DPEP1: variants seen among roughly 807,000 people sequenced by gnomAD.
The protein encoded by DPEP1 is beta-lactamase.
In DPEP1, 50 loss-of-function variants were observed where a neutral mutation model predicts 42.3. The observed-to-expected ratio is 1.18, with a 90% confidence interval of 0.94 to 1.50. DPEP1 has a LOEUF of 1.50. Ranked by LOEUF, DPEP1 falls within the 40% of genes most tolerant of loss-of-function variation. The probability of loss-of-function intolerance (pLI) is 0.00; values close to 1 mark genes in which losing one functional copy is unlikely to be tolerated. For missense variants in DPEP1, 663 were observed against 553.0 expected (o/e 1.20, Z -1.99); for synonymous variants, 297 against 234.0 (o/e 1.27, Z -2.46).
chr16:89,638,047 C>G lies in DPEP1; in HGVS notation c.1066-5C>G. On this transcript the variant is annotated splice_region_variant and splice_polypyrimidine_tract_variant and intron_variant, in intron 10 of 10. Transcript: ENST00000690203. ...GCTGCCCCACCCGTGTCTGTCTGTC[C>G]CCAGGCCAGCAACCTCACACAGGCT... 6.2e-7 allele frequency: 1 copy of G among 1,611,924 alleles called. No homozygotes were observed.
chr16:89,626,140 C>T (rs190970748), intron 1 of DPEP1, among the ~76,000 whole-genome samples: 21 of 152,254 alleles, frequency 1.4e-4, no homozygotes, highest in South Asian at 4.1e-4. Flanking sequence ...ATAAGGGTGC[C>T]GCATTTTCAT....
intron 1 of DPEP1, among the ~76,000 whole-genome samples, chr16:89,628,871 G>T (rs1380517073): frequency 1.3e-5 from 2 of 152,038 alleles, no homozygotes; most frequent in Non-Finnish European, 2.9e-5. Flanking sequence ...CTGTTGCCCA[G>T]GCTGAAGTGC....
At chr16:89,622,515 G>A (rs1475032175) in intron 1 of DPEP1, among the ~76,000 whole-genome samples, 1 of 152,204 alleles carries the variant, frequency 6.6e-6, no homozygotes, top group Non-Finnish European at 1.5e-5. Flanking sequence ...GCCGGGCGCA[G>A]TGGCTCACGC....
At chr16:89,633,887 G>GC (rs1437960182) in intron 2 of DPEP1, among the ~76,000 whole-genome samples, 1 of 152,110 alleles carries the variant, frequency 6.6e-6, no homozygotes, top group African/African-American at 2.4e-5. Flanking sequence ...CAGGGGCACA[G>GC]CCCACATTAC....
intron 1 of DPEP1, among the ~76,000 whole-genome samples, chr16:89,615,457 C>T (rs977671875): frequency 2.6e-5 from 4 of 152,224 alleles, no homozygotes; most frequent in African/African-American, 9.6e-5. Context: ...GGGGCTGGAC[C>T]TGTCTTCTCT....
At chr16:89,634,234 A>G (rs962149713) in intron 2 of DPEP1, among the ~76,000 whole-genome samples, 28 of 151,004 alleles carry the variant, frequency 1.9e-4, no homozygotes, top group East Asian at 5.8e-4. Context: ...GACTACAGGC[A>G]CCCGCCACCA....
chr16:89,637,712 G>A lies in DPEP1; in HGVS notation c.929+5G>A, dbSNP rs781278618. The A allele has an allele frequency of 1.9e-6, 3 of 1,613,098 alleles. No homozygotes were observed. The South Asian group carries it at 3.3e-5, about 18-fold the overall frequency. ...GGACTTTGATGGTGTTCCAAGGTAA[G>A]GGGCTGAGAGCTCTGTCCTGTGGAT... On this transcript the variant is annotated splice_donor_5th_base_variant and intron_variant, in intron 9 of 10. Transcript: ENST00000690203.
intron 1 of DPEP1, among the ~76,000 whole-genome samples, chr16:89,625,870 C>G (rs538174170): frequency 6.6e-6 from 1 of 152,286 alleles, no homozygotes; most frequent in African/African-American, 2.4e-5. Flanking sequence ...TGAACCAGCT[C>G]ACCCACGCTG....
chr16:89,628,945 G>A (rs1046015048), intron 1 of DPEP1, among the ~76,000 whole-genome samples: 2 of 151,984 alleles, frequency 1.3e-5, no homozygotes, highest in African/African-American at 4.8e-5. Flanking sequence ...TCCTGCCTCA[G>A]CCTCCTGAGT....
At chr16:89,621,395 C>T (rs891987797) in intron 1 of DPEP1, among the ~76,000 whole-genome samples, 1 of 151,986 alleles carries the variant, frequency 6.6e-6, no homozygotes. Flanking sequence ...AGTGGGGTGC[C>T]GGCCTTACGG....
At chr16:89,618,642 G>A (rs1407452950) in intron 1 of DPEP1, among the ~76,000 whole-genome samples, 1 of 152,062 alleles carries the variant, frequency 6.6e-6, no homozygotes, top group Non-Finnish European at 1.5e-5. Flanking sequence ...AACTGTGACT[G>A]CAGGCACACA....
intron 1 of DPEP1, among the ~76,000 whole-genome samples, chr16:89,628,035 G>T (rs2059538999): frequency 6.6e-6 from 1 of 151,794 alleles, no homozygotes; most frequent in African/African-American, 2.4e-5. Context: ...CCATTCTCCT[G>T]CCTCAGCCTC....
rs183469840 is a variant in DPEP1, at chr16:89,616,348, C to A, written c.-107+2629C>A. Among the ~76,000 whole-genome samples, 453 of 152,302 alleles carry A rather than the reference C, an allele frequency of 3.0e-3. 2 individuals are homozygous for A. Among genetic ancestry groups the A allele is most frequent in the Non-Finnish European group, 4.5e-3 (308 of 68,028 alleles). ...CTCCGGGGCTGACCGGGCACAGTTTCACAGAGCAGTATGGCCCAGCCAGCT... is the reference window on the plus strand; with the variant it reads ...CTCCGGGGCTGACCGGGCACAGTTTAACAGAGCAGTATGGCCCAGCCAGCT... On this transcript the variant is annotated intron_variant, in intron 1 of 10. Transcript: ENST00000690203.
At chr16:89,615,788 A>G (rs1197011092) in intron 1 of DPEP1, among the ~76,000 whole-genome samples, 1 of 152,192 alleles carries the variant, frequency 6.6e-6, no homozygotes. Flanking sequence ...CAGGCGGTCA[A>G]CACGGGGGCC....
chr16:89,641,534 A>C (rs2059742527), downstream of DPEP1, among the ~76,000 whole-genome samples: 1 of 152,206 alleles, frequency 6.6e-6, no homozygotes, highest in Non-Finnish European at 1.5e-5. Context: ...GTAATGCCAC[A>C]AACTGATGAT....
chr16:89,621,874 G>C (rs2059450834), intron 1 of DPEP1, among the ~76,000 whole-genome samples: 1 of 152,190 alleles, frequency 6.6e-6, no homozygotes, highest in South Asian at 2.1e-4. Context: ...TGTGTGTGGG[G>C]GGCGTGGGTA....
chr16:89,624,512 G>A (rs1256326737), intron 1 of DPEP1, among the ~76,000 whole-genome samples: 5 of 151,174 alleles, frequency 3.3e-5, no homozygotes, highest in East Asian at 3.9e-4. Flanking sequence ...TGAGAGGGGC[G>A]CTGTTACATA....
intron 2 of DPEP1, among the ~76,000 whole-genome samples, chr16:89,633,814 C>T (rs575235302): frequency 7.5e-6 from 1 of 133,862 alleles, no homozygotes; most frequent in South Asian, 2.3e-4. Context: ...CTGGAAACTG[C>T]AAGTGGAGGG....
At chr16:89,622,262 C>G (rs184075029) in intron 1 of DPEP1, among the ~76,000 whole-genome samples, 1 of 152,212 alleles carries the variant, frequency 6.6e-6, no homozygotes, top group South Asian at 2.1e-4. Context: ...CTCACTATGG[C>G]CAGGGGAGGG....
Sources: gnomAD v4.1 joint callset for allele counts (sites outside exome capture counted in the v4.1 genomes callset) on GRCh38, gnomAD v4.1.1 for gene constraint, MANE v1.5 for transcripts, NCBI Gene and HGNC (gene_info 2026-07-23, HGNC 2026-07-21) for gene names.